DTNA: variants seen among roughly 807,000 people sequenced by gnomAD.
DTNA encodes the protein dystrophin-related protein 3.
In DTNA, 43 loss-of-function variants were observed where a neutral mutation model predicts 100.7. The ratio of observed to expected loss-of-function variants is 0.43; its 90% CI spans 0.33 to 0.55. The LOEUF is 0.55. DTNA is among the 20% of genes least tolerant of loss of function. The pLI is 0.04. For synonymous variants in DTNA, 349 were observed against 347.9 expected (o/e 1.00, Z -0.04); for missense variants, 798 against 953.9 (o/e 0.84, Z 2.15).
intron 4 of DTNA, 90 bp downstream of exon 4, chr18:34,794,340 TCTCTCTTTTTTTTTTTA>T: frequency 1.9e-5 from 27 of 1,409,786 alleles, no homozygotes; most frequent in Non-Finnish European, 2.6e-5. Flanking sequence ...ATTTTATATC[TCTCTCTTTTTTTTTTTA>T]CTCTCTTTTT....
At chr18:34,693,029 C>T (rs2080002231) in intron 1 of DTNA, among the ~76,000 whole-genome samples, 1 of 151,970 alleles carries the variant, frequency 6.6e-6, no homozygotes, top group African/African-American at 2.4e-5. Flanking sequence ...ATTCAAGGGC[C>T]ATGCATAAGA....
intron 1 of DTNA, among the ~76,000 whole-genome samples, chr18:34,664,467 G>A (rs982380139): frequency 6.6e-6 from 1 of 152,108 alleles, no homozygotes. Flanking sequence ...GAGGAAAGGT[G>A]GGGTAGGTTA....
At chr18:34,697,039 C>T (rs746697166) in intron 1 of DTNA, among the ~76,000 whole-genome samples, 5 of 152,154 alleles carry the variant, frequency 3.3e-5, no homozygotes, top group Non-Finnish European at 7.4e-5. Flanking sequence ...ATCTACGATG[C>T]TCAGGGCAGT....
intron 19 of DTNA, among the ~76,000 whole-genome samples, chr18:34,878,933 G>C (rs892772652): frequency 6.6e-6 from 1 of 152,114 alleles, no homozygotes; most frequent in African/African-American, 2.4e-5. Context: ...CTTTCTTAAA[G>C]CCTCTCAATT....
rs111577360 is a variant in DTNA, at chr18:34,843,531, G to C, written c.1346+4694G>C. Among the ~76,000 whole-genome samples, 1,521 of 152,156 alleles carry C rather than the reference G, an allele frequency of 1.0e-2. 32 individuals carry two copies. The highest frequency in any genetic ancestry group is 0.034 in the African/African-American group (1,415 of 41,510). ...AGCAGGGTTGGTTTCTCCTGTCCTT[G>C]ACTTGCAGATGGACACCTTCCTGCT... On this transcript the variant is annotated intron_variant, in intron 13 of 22. Transcript: ENST00000444659.
At chr18:34,597,391 C>G (rs144879007) in intron 1 of DTNA, among the ~76,000 whole-genome samples, 1 of 152,266 alleles carries the variant, frequency 6.6e-6, no homozygotes, top group East Asian at 1.9e-4. Context: ...TGCAGTTGCT[C>G]TACTTCAGGT....
At chr18:34,746,580 G>A (rs1268511842) in intron 1 of DTNA, among the ~76,000 whole-genome samples, 2 of 152,076 alleles carry the variant, frequency 1.3e-5, no homozygotes, top group Non-Finnish European at 2.9e-5. Context: ...AAAATCTGAG[G>A]TCCTGGTGCA....
At chr18:34,600,122 T>TA (rs1290811476) in intron 1 of DTNA, among the ~76,000 whole-genome samples, 2 of 152,206 alleles carry the variant, frequency 1.3e-5, no homozygotes, top group African/African-American at 2.4e-5. Context: ...TTGAGATTCT[T>TA]AAAAAATCTC....
At chr18:34,747,067 C>T (rs1474845341) in intron 1 of DTNA, among the ~76,000 whole-genome samples, 2 of 149,662 alleles carry the variant, frequency 1.3e-5, no homozygotes, top group Non-Finnish European at 1.5e-5. Context: ...TTAAAGTTTG[C>T]CTCATTAGAT....
At chr18:34,515,344 T>C (rs962381405) in intron 1 of DTNA, among the ~76,000 whole-genome samples, 5 of 152,106 alleles carry the variant, frequency 3.3e-5, no homozygotes, top group African/African-American at 1.2e-4. Flanking sequence ...TGGGTCCTTG[T>C]GCATCTCCAG....
At chr18:34,574,626 T>TTTATTG (rs1455359716) in intron 1 of DTNA, 1 of 152,148 alleles carries the variant, frequency 6.6e-6, no homozygotes, top group Non-Finnish European at 1.5e-5. Context: ...AATACCTGTT[T>TTTATTG]TTATTGTTAT....
rs1324625546 is a variant in DTNA at position 34,838,259 on chromosome 18, A to C, written c.1253+88A>C. 4.2e-6 allele frequency: 6 copies of C among 1,426,638 alleles called. No homozygotes were observed. The Admixed American group carries it at 9.4e-5, about 22-fold the overall frequency. 88.4% of individuals were successfully genotyped at this position (1,426,638 alleles called of 1,614,324 possible). Reference sequence around the variant, plus strand: ...TTGTCAAAAATGCTTTGTGTGTGAAAGACTGTCTTTGATTCAGTAAAAGCA... The same window carrying C: ...TTGTCAAAAATGCTTTGTGTGTGAACGACTGTCTTTGATTCAGTAAAAGCA... On this transcript the variant is annotated intron_variant, in intron 12 of 22. Coordinates refer to ENST00000444659, the MANE Select transcript of DTNA (RefSeq NM_001386795.1).
At chr18:34,693,132 A>G (rs2080019052) in intron 1 of DTNA, among the ~76,000 whole-genome samples, 1 of 152,224 alleles carries the variant, frequency 6.6e-6, no homozygotes, top group African/African-American at 2.4e-5. Flanking sequence ...CATAAGATGC[A>G]TAGGCAGCAT....
intron 2 of DTNA, among the ~76,000 whole-genome samples, chr18:34,759,132 G>A (rs922018072): frequency 1.3e-5 from 2 of 151,972 alleles, no homozygotes; most frequent in Admixed American, 1.3e-4. Flanking sequence ...TTAATTATCA[G>A]TTTGCTTAGT....
At position 34,890,976 on chromosome 18, in the gene DTNA, T is replaced by C. The variant is rs2096961810; in HGVS notation, c.*3242T>C. 6.5e-6 allele frequency: 1 copy of C among 152,810 alleles called. No individual in the cohort carries two copies. Among genetic ancestry groups the C allele is most frequent in the Non-Finnish European group, 1.5e-5 (1 of 68,208 alleles). 9.5% of individuals were successfully genotyped at this position (152,810 alleles called of 1,614,324 possible). ...ATAGATCTTGTAAATCCAGCAACCT[T>C]TGGTTGCTGCATTCCCCTTGGTTCG... On this transcript the variant is annotated 3_prime_UTR_variant, in exon 23 of 23. Transcript: ENST00000444659.
intron 1 of DTNA, among the ~76,000 whole-genome samples, chr18:34,590,004 G>C (rs1328833769): frequency 2.6e-5 from 4 of 152,114 alleles, no homozygotes; most frequent in Non-Finnish European, 5.9e-5. Flanking sequence ...TCATTCCTCT[G>C]TCATTGAACA....
intron 1 of DTNA, among the ~76,000 whole-genome samples, chr18:34,550,730 C>T (rs1273610044): frequency 6.6e-6 from 1 of 152,078 alleles, no homozygotes; most frequent in Non-Finnish European, 1.5e-5. Context: ...CATTGTTATT[C>T]AGGGATCTTC....
intron 1 of DTNA, among the ~76,000 whole-genome samples, chr18:34,660,263 G>A (rs1363413857): frequency 6.6e-6 from 1 of 152,022 alleles, no homozygotes; most frequent in African/African-American, 2.4e-5. Flanking sequence ...AGTTAACCTG[G>A]AAAACTAGTT....
At chr18:34,614,456 A>T (rs2054842485) in intron 1 of DTNA, among the ~76,000 whole-genome samples, 2 of 152,192 alleles carry the variant, frequency 1.3e-5, no homozygotes, top group South Asian at 4.1e-4. Flanking sequence ...ATGGATCTGG[A>T]CAAAGTAAAT....
Sources: gnomAD v4.1 joint callset for allele counts (sites outside exome capture counted in the v4.1 genomes callset) on GRCh38, gnomAD v4.1.1 for gene constraint, MANE v1.5 for transcripts, NCBI Gene and HGNC (gene_info 2026-07-23, HGNC 2026-07-21) for gene names.